The following HPSE2 variants were observed in gnomAD, a reference collection of about 807,000 sequenced individuals.
The protein encoded by HPSE2 is heparanase 2 (inactive).
HPSE2 carries 38 observed loss-of-function variants against 60.5 expected under a neutral mutation model. That is an observed-to-expected ratio of 0.63 (90% CI 0.48 to 0.82). The LOEUF (loss-of-function observed/expected upper bound fraction) is 0.82, where lower values mean the gene tolerates loss of function less well. HPSE2 is among the 40% of genes least tolerant of loss of function. The pLI is 0.00. For synonymous variants in HPSE2, 295 were observed against 293.2 expected (o/e 1.01, Z -0.06); for missense variants, 713 against 740.4 (o/e 0.96, Z 0.43).
intron 3 of HPSE2, among the ~76,000 whole-genome samples, chr10:98,979,808 G>T (rs960449434): frequency 3.3e-5 from 5 of 152,066 alleles, no homozygotes; most frequent in African/African-American, 1.2e-4. Flanking sequence ...TTTTCCAAAG[G>T]ATATTTAAGC....
At chr10:98,918,691 AG>A (rs1419875305) in intron 3 of HPSE2, among the ~76,000 whole-genome samples, 1 of 76,286 alleles carries the variant, frequency 1.3e-5, no homozygotes, top group Non-Finnish European at 2.4e-5. Context: ...GGGTGGGGGG[AG>A]GGGGGAGGGA....
chr10:98,798,726 A>G (rs1255809090), intron 3 of HPSE2, among the ~76,000 whole-genome samples: 3 of 152,208 alleles, frequency 2.0e-5, no homozygotes, highest in Non-Finnish European at 4.4e-5. Context: ...CAAGAAACTT[A>G]GAACAAATAC....
chr10:98,462,449 G>A (rs541113554), intron 11 of HPSE2, among the ~76,000 whole-genome samples: 2 of 152,154 alleles, frequency 1.3e-5, no homozygotes, highest in Non-Finnish European at 2.9e-5. Flanking sequence ...AAAATGCTGG[G>A]ATTACAGGCA....
chr10:99,050,908 A>C (rs576237266), intron 3 of HPSE2, among the ~76,000 whole-genome samples: 3 of 152,160 alleles, frequency 2.0e-5, no homozygotes, highest in African/African-American at 7.2e-5. Context: ...AGAAATAAAT[A>C]ACAAATATTT....
the HPSE2 span, among the ~76,000 whole-genome samples, chr10:99,271,295 A>G: frequency 6.6e-6 from 1 of 152,252 alleles, no homozygotes; most frequent in African/African-American, 2.4e-5. Flanking sequence ...AAGTTTCAGG[A>G]TACGAAATTA....
At chr10:98,562,042 C>T (rs677995) in intron 9 of HPSE2, among the ~76,000 whole-genome samples, 129,263 of 152,098 alleles carry the variant, frequency 0.85, 56,191 homozygotes, top group East Asian at 1. Flanking sequence ...TTCATGGTAA[C>T]TGCTCTATAC....
intron 3 of HPSE2, among the ~76,000 whole-genome samples, chr10:99,028,173 G>T (rs1957419934): frequency 6.6e-6 from 1 of 152,090 alleles, no homozygotes. Flanking sequence ...AAGATGTAAA[G>T]GGCAGTCAAA....
At chr10:99,154,227 A>G (rs1294586122) in intron 2 of HPSE2, among the ~76,000 whole-genome samples, 4 of 140,840 alleles carry the variant, frequency 2.8e-5, no homozygotes, top group South Asian at 5.2e-4. Flanking sequence ...GCAGGCCAAC[A>G]TTCAGATTCA....
At position 98,920,629 on chromosome 10, in the gene HPSE2, C is replaced by T. The variant is rs183851720; in HGVS notation, c.611-176573G>A. Among the ~76,000 whole-genome samples the T allele has an allele frequency of 2.7e-3, 413 of 152,246 alleles. 3 individuals are homozygous for T. Among genetic ancestry groups the T allele is most frequent in the South Asian group, 8.3e-4 (4 of 4,826 alleles). On this transcript the variant is annotated intron_variant, in intron 3 of 11. Transcript: ENST00000370552. ...AGATATTTTACTCCTAAAGACTTAC[C>T]CACCTCCCTTGGGCCATATGTTCCA...
At chr10:99,269,156 T>C in the HPSE2 span, among the ~76,000 whole-genome samples, 1 of 147,466 alleles carries the variant, frequency 6.8e-6, no homozygotes, top group African/African-American at 2.5e-5. Context: ...CGAGACTTCG[T>C]CAAAAAAAAA....
intron 3 of HPSE2, among the ~76,000 whole-genome samples, chr10:98,758,142 A>C (rs1403234293): frequency 1.3e-5 from 2 of 152,178 alleles, no homozygotes; most frequent in South Asian, 4.1e-4. Flanking sequence ...CCATATGCAG[A>C]AGATTGAAAC....
chr10:98,604,047 A>G (rs1002100009), intron 9 of HPSE2, among the ~76,000 whole-genome samples: 1 of 152,194 alleles, frequency 6.6e-6, no homozygotes, highest in African/African-American at 2.4e-5. Flanking sequence ...CCACCGTATT[A>G]CTAAAGGCTT....
chr10:98,794,644 T>C (rs1248328663), intron 3 of HPSE2, among the ~76,000 whole-genome samples: 1 of 152,200 alleles, frequency 6.6e-6, no homozygotes, highest in African/African-American at 2.4e-5. Flanking sequence ...TTTTGCAGTA[T>C]GTCCTTCAAT....
At chr10:98,565,867 T>TC (rs1564973209) in intron 9 of HPSE2, among the ~76,000 whole-genome samples, 2 of 106,026 alleles carry the variant, frequency 1.9e-5, no homozygotes, top group Admixed American at 1.0e-4. Flanking sequence ...TCATCATCAT[T>TC]ATTGTTGTTT....
At chr10:98,753,804 C>T (rs1565138308) in intron 3 of HPSE2, among the ~76,000 whole-genome samples, 1 of 152,148 alleles carries the variant, frequency 6.6e-6, no homozygotes. Flanking sequence ...CCAGCTTATA[C>T]CACAGTCAAA....
At chr10:98,475,537 T>C (rs1313704891) in intron 11 of HPSE2, among the ~76,000 whole-genome samples, 1 of 152,186 alleles carries the variant, frequency 6.6e-6, no homozygotes, top group Admixed American at 6.5e-5. Flanking sequence ...TGAAGAGATA[T>C]ACTTTCCAGT....
intron 3 of HPSE2, among the ~76,000 whole-genome samples, chr10:98,978,936 T>C (rs892124883): frequency 2.6e-5 from 4 of 152,236 alleles, no homozygotes; most frequent in Non-Finnish European, 4.4e-5. Flanking sequence ...TGTTCCCAAC[T>C]GAGGTCAAAC....
chr10:98,790,644 C>G (rs1297693853), intron 3 of HPSE2, among the ~76,000 whole-genome samples: 1 of 151,820 alleles, frequency 6.6e-6, no homozygotes, highest in Non-Finnish European at 1.5e-5. Flanking sequence ...ATGTTCTCAC[C>G]ACAAAAAAAT....
chr10:98,637,838 A>G (rs1316398713), intron 7 of HPSE2, among the ~76,000 whole-genome samples: 3 of 152,164 alleles, frequency 2.0e-5, no homozygotes, highest in African/African-American at 7.2e-5. Flanking sequence ...GTATATAGAC[A>G]GTAAAACCTT....
Sources: allele counts gnomAD v4.1 joint callset (sites outside exome capture counted in the v4.1 genomes callset), GRCh38; gene constraint gnomAD v4.1.1; transcripts MANE v1.5; gene names NCBI Gene and HGNC (gene_info 2026-07-23, HGNC 2026-07-21).